The following FLRT1 variants were observed in gnomAD, a reference collection of about 807,000 sequenced individuals.
The protein encoded by FLRT1 is leucine-rich repeat transmembrane protein FLRT1.
In FLRT1, 14 loss-of-function variants were observed where a neutral mutation model predicts 30.9. The observed-to-expected ratio is 0.45, with a 90% CI of 0.30 to 0.71. The LOEUF (loss-of-function observed/expected upper bound fraction) is 0.71, where lower values mean the gene tolerates loss of function less well. Among genes scored for constraint, FLRT1 ranks in the 30% least tolerant of loss-of-function variants. FLRT1 has a pLI of 0.08. For missense variants in FLRT1, 737 were observed against 949.2 expected, an observed-to-expected ratio of 0.78 and a Z score of 2.94; for synonymous variants, 368 against 430.4, an observed-to-expected ratio of 0.85 and a Z score of 1.80.
chr11:64,111,757 A>C (rs773714674), intron 2 of FLRT1, among the ~76,000 whole-genome samples: 27 of 152,190 alleles, frequency 1.8e-4, no homozygotes, highest in Non-Finnish European at 2.9e-4. Context: ...TCCTGGCTTC[A>C]AGCCCGTCCT....
intron 2 of FLRT1, among the ~76,000 whole-genome samples, chr11:64,113,979 G>T (rs1944917367): frequency 6.7e-6 from 1 of 150,196 alleles, no homozygotes; most frequent in Non-Finnish European, 1.5e-5. Flanking sequence ...TGGATGGATG[G>T]ATAATTGGAT....
intron 1 of FLRT1, among the ~76,000 whole-genome samples, chr11:64,063,270 G>C (rs1321359813): frequency 6.6e-6 from 1 of 152,064 alleles, no homozygotes; most frequent in Non-Finnish European, 1.5e-5. Flanking sequence ...CAATATTAGC[G>C]CCCTCTTCCT....
At chr11:64,072,818 A>C (rs2134466923) in intron 1 of FLRT1, among the ~76,000 whole-genome samples, 1 of 152,340 alleles carries the variant, frequency 6.6e-6, no homozygotes, top group East Asian at 1.9e-4. Flanking sequence ...CATGTGGCTC[A>C]GTGGTCCCCA....
intron 1 of FLRT1, among the ~76,000 whole-genome samples, chr11:64,040,591 C>T (rs320145): frequency 0.3 from 45,624 of 152,094 alleles, 7,778 homozygotes; most frequent in African/African-American, 0.46. Flanking sequence ...CCCCTTTTCC[C>T]GAGAGCTGTG....
intron 1 of FLRT1, among the ~76,000 whole-genome samples, chr11:64,079,593 G>T (rs1435650946): frequency 2.0e-5 from 3 of 152,182 alleles, no homozygotes; most frequent in African/African-American, 4.8e-5. Flanking sequence ...GGTCCTGGGC[G>T]TGGGGTGGGA....
At chr11:64,076,861 C>A (rs950897919) in intron 1 of FLRT1, among the ~76,000 whole-genome samples, 1 of 152,244 alleles carries the variant, frequency 6.6e-6, no homozygotes, top group African/African-American at 2.4e-5. Context: ...CTGCCTCCAT[C>A]CCTTGCCTTC....
At chr11:64,081,153 C>T (rs148814324) in intron 1 of FLRT1, among the ~76,000 whole-genome samples, 1,807 of 152,264 alleles carry the variant, frequency 0.012, 25 homozygotes, top group African/African-American at 0.042. Context: ...TTTGGAGTAG[C>T]TGGGATTACA....
Position 64,067,208 on chromosome 11 carries a change from A to G in FLRT1, c.-1038+31049A>G, listed in dbSNP as rs1232109412. Among the ~76,000 whole-genome samples the G allele has an allele frequency of 6.6e-6, 1 of 152,024 alleles. No individual in the cohort carries two copies. The highest frequency in any genetic ancestry group is 1.5e-5 in the Non-Finnish European group (1 of 67,992). ...ACATGCGGCTCCAAGGAGATGGCAGATGGGAGGGGTGGGGAGAGGCCTTGC... is the reference window on the plus strand; with the variant it reads ...ACATGCGGCTCCAAGGAGATGGCAGGTGGGAGGGGTGGGGAGAGGCCTTGC... On this transcript the variant is annotated intron_variant, in intron 1 of 2. Coordinates refer to ENST00000682287, the MANE Select transcript of FLRT1 (RefSeq NM_013280.5). The surrounding 1 kb of genome is among the most constrained non-coding windows in gnomAD (Gnocchi z 4.6).
Position 64,096,736 on chromosome 11 carries a change from A to G in FLRT1, c.-1037-6458A>G, listed in dbSNP as rs1944583171. The stretch of plus-strand genomic sequence containing the variant: ...CCTACCCTCTCCCCCTTTTGTGCCT[A>G]GAGTTGCTCTGTGAAGGGGCAGGCT... On this transcript the variant is annotated intron_variant, in intron 1 of 2. Transcript: ENST00000682287. This position sits in a 1 kb window ranked among gnomAD's most constrained non-coding sequence, Gnocchi z 4.6. 6.6e-6 allele frequency among the ~76,000 whole-genome samples: 1 copy of G among 152,140 alleles called. No individual in the cohort carries two copies. Among genetic ancestry groups the G allele is most frequent in the African/African-American group, 2.4e-5 (1 of 41,452 alleles).
At chr11:64,108,633 G>A (rs1944805844) in intron 2 of FLRT1, among the ~76,000 whole-genome samples, 2 of 152,260 alleles carry the variant, frequency 1.3e-5, no homozygotes, top group Admixed American at 6.5e-5. Context: ...CCTGTCTAGT[G>A]GGAGGTGGGA....
intron 1 of FLRT1, among the ~76,000 whole-genome samples, chr11:64,074,800 C>G (rs1022493362): frequency 6.6e-6 from 1 of 152,224 alleles, no homozygotes; most frequent in African/African-American, 2.4e-5. Flanking sequence ...GGAGTCACTC[C>G]CCAGTTCCTG....
intron 1 of FLRT1, among the ~76,000 whole-genome samples, chr11:64,040,457 G>A (rs1415318689): frequency 1.3e-5 from 2 of 152,140 alleles, no homozygotes; most frequent in Non-Finnish European, 2.9e-5. Context: ...CTGTCTCCCT[G>A]GGTCTCTGTG....
chr11:64,041,030 C>T (rs115507774), intron 1 of FLRT1, among the ~76,000 whole-genome samples: 382 of 151,916 alleles, frequency 2.5e-3, no homozygotes, highest in African/African-American at 8.8e-3. Context: ...ATGGCTTATA[C>T]TTAATTAAAA....
chr11:64,077,382 C>T (rs1944221317), intron 1 of FLRT1, among the ~76,000 whole-genome samples: 1 of 152,204 alleles, frequency 6.6e-6, no homozygotes, highest in South Asian at 2.1e-4. Context: ...TGTCACGGGG[C>T]TGCCCTGCCC....
chr11:64,112,627 C>A (rs1177344556), intron 2 of FLRT1, among the ~76,000 whole-genome samples: 1 of 152,198 alleles, frequency 6.6e-6, no homozygotes, highest in African/African-American at 2.4e-5. Flanking sequence ...AGTTATAATT[C>A]TCGATAGGGT....
At chr11:64,056,466 G>T (rs561058258) in intron 1 of FLRT1, among the ~76,000 whole-genome samples, 1 of 152,230 alleles carries the variant, frequency 6.6e-6, no homozygotes, top group African/African-American at 2.4e-5. Context: ...GAGCAGCTGC[G>T]GGAACAGGAG....
chr11:64,055,660 C>T (rs577020377), intron 1 of FLRT1, among the ~76,000 whole-genome samples: 37 of 152,282 alleles, frequency 2.4e-4, no homozygotes, highest in Admixed American at 2.0e-3. Context: ...GCATGTTAGA[C>T]CAGGAATAAA....
chr11:64,038,146 C>G (rs1168964955), intron 1 of FLRT1, among the ~76,000 whole-genome samples: 2 of 152,158 alleles, frequency 1.3e-5, no homozygotes, highest in Non-Finnish European at 2.9e-5. Context: ...GGGAGGTCCG[C>G]CCAGCTGTTT....
At position 64,071,472 on chromosome 11, in the gene FLRT1, C is replaced by A. The variant is rs116934404; in HGVS notation, c.-1037-31722C>A. ...GGCCAGGGCTGGGGCTGGGCTGAGGCCAAGGAGAGCATTGTCCCCTTGGCC... is the reference window on the plus strand; with the variant it reads ...GGCCAGGGCTGGGGCTGGGCTGAGGACAAGGAGAGCATTGTCCCCTTGGCC... On this transcript the variant is annotated intron_variant, in intron 1 of 2. Transcript: ENST00000682287. Among the ~76,000 whole-genome samples, 1,222 of 152,302 alleles carry A rather than the reference C, an allele frequency of 8.0e-3. 4 individuals carry two copies. Among genetic ancestry groups the A allele is most frequent in the Non-Finnish European group, 0.013 (872 of 68,010 alleles).
Sources: gnomAD v4.1 joint callset for allele counts (sites outside exome capture counted in the v4.1 genomes callset) on GRCh38, gnomAD v4.1.1 for gene constraint, Gnocchi (gnomAD v3.1) non-coding constraint, MANE v1.5 for transcripts, NCBI Gene and HGNC (gene_info 2026-07-23, HGNC 2026-07-21) for gene names.